ITGA9: variants seen among roughly 807,000 people sequenced by gnomAD.
The protein encoded by ITGA9 is integrin alpha-9.
Under a neutral mutation model 127.8 loss-of-function variants are expected in ITGA9, and 56 were observed. The observed-to-expected ratio is 0.44, with a 90% CI of 0.35 to 0.55. The LOEUF (loss-of-function observed/expected upper bound fraction) is 0.55, where lower values mean the gene tolerates loss of function less well. Among genes scored for constraint, ITGA9 ranks in the 20% least tolerant of loss-of-function variants. The probability of loss-of-function intolerance (pLI) is 0.00; values close to 1 mark genes in which losing one functional copy is unlikely to be tolerated. For missense variants in ITGA9, 1,196 were observed against 1,347.1 expected (o/e 0.89, Z 1.76); for synonymous variants, 508 against 514.5 (o/e 0.99, Z 0.17).
chr3:37,590,013 C>T (rs997492413), intron 15 of ITGA9, among the ~76,000 whole-genome samples: 14 of 152,202 alleles, frequency 9.2e-5, no homozygotes, highest in African/African-American at 3.1e-4. Context: ...CTACCTGCAG[C>T]CGCCATCCCC....
intron 18 of ITGA9, among the ~76,000 whole-genome samples, chr3:37,714,446 G>A (rs767272669): frequency 2.0e-5 from 3 of 152,166 alleles, no homozygotes; most frequent in Non-Finnish European, 4.4e-5. Flanking sequence ...GAGTCCACAG[G>A]TCAGGGGCAA....
At chr3:37,758,701 T>C (rs1013429905) in intron 23 of ITGA9, among the ~76,000 whole-genome samples, 3 of 152,070 alleles carry the variant, frequency 2.0e-5, no homozygotes, top group African/African-American at 4.8e-5. Flanking sequence ...CTCTTCAGTT[T>C]AGTTGTGTTG....
chr3:37,532,775 C>G, intron 13 of ITGA9, among the ~76,000 whole-genome samples: 1 of 152,162 alleles, frequency 6.6e-6, no homozygotes, highest in East Asian at 1.9e-4. Flanking sequence ...GCTGGGACTC[C>G]ACTTATCAAG....
At position 37,519,257 on chromosome 3, in the gene ITGA9, C is replaced by T; in HGVS notation, c.1142-3C>T. On this transcript the variant is annotated splice_region_variant and splice_polypyrimidine_tract_variant and intron_variant, in intron 10 of 27. Coordinates refer to ENST00000264741, the MANE Select transcript of ITGA9 (RefSeq NM_002207.3). ...TAACCCATAGCTGTTTTTTTACCCT[C>T]AGATGTGGCCATTGGTGCACCCAAG... 6.2e-7 allele frequency: 1 copy of T among 1,613,102 alleles called. No individual in the cohort carries two copies. The highest frequency in any genetic ancestry group is 8.5e-7 in the Non-Finnish European group (1 of 1,179,168).
intron 20 of ITGA9, among the ~76,000 whole-genome samples, chr3:37,738,148 A>G (rs751991982): frequency 1.3e-5 from 2 of 152,174 alleles, no homozygotes; most frequent in Non-Finnish European, 2.9e-5. Context: ...TATTGACACT[A>G]TTTTCAAGAT....
intron 14 of ITGA9, among the ~76,000 whole-genome samples, chr3:37,537,510 T>C (rs1401337480): frequency 6.6e-6 from 1 of 152,154 alleles, no homozygotes; most frequent in Non-Finnish European, 1.5e-5. Flanking sequence ...ACAGCAAGCA[T>C]CCAGTTACAT....
rs543353551 is a variant in ITGA9 at position 37,720,994 on chromosome 3, G to A, written c.2068-11718G>A. Among the ~76,000 whole-genome samples the A allele has an allele frequency of 1.2e-4, 19 of 152,146 alleles. No individual in the cohort carries two copies. The South Asian group carries it at 3.7e-3, about 30-fold the overall frequency. On this transcript the variant is annotated intron_variant, in intron 18 of 27. Transcript: ENST00000264741. ...CCTCAGGGCCAAGTGGACTCTTTGG[G>A]AGGAGACCTCGCCGTCTCCATTTGA...
chr3:37,659,658 C>G (rs1017423235), intron 17 of ITGA9, among the ~76,000 whole-genome samples: 2 of 151,870 alleles, frequency 1.3e-5, no homozygotes, highest in African/African-American at 2.4e-5. Context: ...TTGTTATTAC[C>G]CACCTTCTGA....
intron 18 of ITGA9, among the ~76,000 whole-genome samples, chr3:37,724,721 C>T (rs559279314): frequency 2.0e-5 from 3 of 152,298 alleles, no homozygotes; most frequent in South Asian, 4.2e-4. Flanking sequence ...TGGTCTCAAA[C>T]GCCTGACCTC....
chr3:37,536,568 C>A (rs2125588422), intron 14 of ITGA9, among the ~76,000 whole-genome samples: 1 of 152,340 alleles, frequency 6.6e-6, no homozygotes, highest in Non-Finnish European at 1.5e-5. Context: ...TTCTTCTCTA[C>A]CTGGCAGGGT....
At chr3:37,660,006 A>ACACACACG (rs1448627307) in intron 17 of ITGA9, among the ~76,000 whole-genome samples, 2 of 150,964 alleles carry the variant, frequency 1.3e-5, no homozygotes, top group African/African-American at 4.9e-5. Context: ...ACACACACGC[A>ACACACACG]CACACACACA....
rs746375892 is a variant in ITGA9 at position 37,481,505 on chromosome 3, A to G, written c.442A>G (p.Asn148Asp). 1 of 1,614,166 alleles carries G rather than the reference A, an allele frequency of 6.2e-7. No homozygotes were observed. Among genetic ancestry groups the G allele is most frequent in the Non-Finnish European group, 8.5e-7 (1 of 1,180,024 alleles). ...RVLACAHRWK[N>D]IYYEADHILP... is the part of the protein sequence containing the mutation. ...TTAGGCCTGTGCTCATCGCTGGAAGAACATCTACTATGAAGCCGACCACAT... is the reference window on the plus strand; with the variant it reads ...TTAGGCCTGTGCTCATCGCTGGAAGGACATCTACTATGAAGCCGACCACAT... Residue 148 changes from asparagine (N) to aspartate (D), a missense_variant, in exon 4 of 28, where the codon AAC becomes GAC. By Grantham distance (23) the Asn-to-Asp change is conservative. Transcript: ENST00000264741.
intron 1 of ITGA9, among the ~76,000 whole-genome samples, chr3:37,455,011 G>T (rs1698241834): frequency 6.6e-6 from 1 of 152,038 alleles, no homozygotes; most frequent in African/African-American, 2.4e-5. Context: ...GCTTGCATAG[G>T]CCCCTATTAA....
At chr3:37,568,703 T>A (rs921096593) in intron 15 of ITGA9, among the ~76,000 whole-genome samples, 5 of 152,212 alleles carry the variant, frequency 3.3e-5, no homozygotes, top group Non-Finnish European at 5.9e-5. Flanking sequence ...CACCAGTCTC[T>A]TTGCTAAAAC....
intron 22 of ITGA9, chr3:37,748,219 G>T: frequency 2.2e-6 from 1 of 460,136 alleles, no homozygotes. Context: ...CTATAAGAAA[G>T]GTGACATTAT....
chr3:37,795,735 C>T (rs1559601243), intron 26 of ITGA9, among the ~76,000 whole-genome samples: 1 of 152,190 alleles, frequency 6.6e-6, no homozygotes, highest in Admixed American at 6.5e-5. Flanking sequence ...ACAGCCACTC[C>T]CCCAAAACCA....
At chr3:37,500,248 T>A (rs1055162579) in intron 5 of ITGA9, among the ~76,000 whole-genome samples, 1 of 152,236 alleles carries the variant, frequency 6.6e-6, no homozygotes, top group Non-Finnish European at 1.5e-5. Context: ...GGATGGATGC[T>A]CTGCTGTGTT....
chr3:37,748,267 C>T, intron 22 of ITGA9: 1 of 503,884 alleles, frequency 2.0e-6, no homozygotes, highest in Non-Finnish European at 3.8e-6. Flanking sequence ...AAAAGGAAGG[C>T]CCCGCAAGTA....
chr3:37,685,279 C>T (rs773655835), intron 18 of ITGA9, among the ~76,000 whole-genome samples: 15 of 152,126 alleles, frequency 9.9e-5, no homozygotes, highest in Non-Finnish European at 1.9e-4. Context: ...ATGCTCAGAG[C>T]CACCAACAGT....
Sources: gnomAD v4.1 joint callset for allele counts (sites outside exome capture counted in the v4.1 genomes callset) on GRCh38, gnomAD v4.1.1 for gene constraint, MANE v1.5 for transcripts, NCBI Gene and HGNC (gene_info 2026-07-23, HGNC 2026-07-21) for gene names.